Variants in TRPM3 observed in about 807,000 individuals in gnomAD.
TRPM3 encodes transient receptor potential cation channel subfamily M member 3.
TRPM3 carries 77 observed loss-of-function variants against 181.2 expected under a neutral mutation model. The ratio of observed to expected loss-of-function variants is 0.42; its 90% CI spans 0.35 to 0.51. The LOEUF is 0.51. Among genes scored for constraint, TRPM3 ranks in the 20% least tolerant of loss-of-function variants. TRPM3 has a pLI of 0.01. For missense variants in TRPM3, 1,759 were observed against 2,196.7 expected (o/e 0.80, Z 3.98); for synonymous variants, 745 against 796.4 (o/e 0.94, Z 1.09).
At chr9:70,903,960 A>T (rs1485321887) in intron 1 of TRPM3, among the ~76,000 whole-genome samples, 1 of 152,000 alleles carries the variant, frequency 6.6e-6, no homozygotes, top group Non-Finnish European at 1.5e-5. Context: ...AAAAAAAAAA[A>T]TACTGTAATT....
chr9:71,420,088 T>A (rs2093702929), intron 1 of TRPM3, among the ~76,000 whole-genome samples: 1 of 152,028 alleles, frequency 6.6e-6, no homozygotes, highest in South Asian at 2.1e-4. Flanking sequence ...CTTTCGTCAT[T>A]TTCCCATTTT....
At chr9:71,349,869 A>G (rs923563924) in intron 1 of TRPM3, among the ~76,000 whole-genome samples, 4 of 151,798 alleles carry the variant, frequency 2.6e-5, no homozygotes, top group Non-Finnish European at 1.5e-5. Context: ...AAAAGTGATA[A>G]CATGGAAGCC....
intron 22 of TRPM3, among the ~76,000 whole-genome samples, chr9:70,586,789 C>T (rs950234307): frequency 6.6e-6 from 1 of 152,184 alleles, no homozygotes. Flanking sequence ...CATCTTCGTT[C>T]ATGCTGCTCT....
rs538584285 is a variant in TRPM3, at chr9:70,821,268, G to A, written c.973+6579C>T. 3.3e-5 allele frequency among the ~76,000 whole-genome samples: 5 copies of A among 152,272 alleles called. No individual in the cohort carries two copies. The South Asian group carries it at 6.2e-4, about 19-fold the overall frequency. ...GAAATATTTATAAAGGAAATGATAC[G>A]CTGTCTGGATTTCCTTCAAAATTAT... On this transcript the variant is annotated intron_variant, in intron 6 of 25. Coordinates refer to ENST00000677713, the MANE Select transcript of TRPM3 (RefSeq NM_001366145.2).
At position 70,536,440 on chromosome 9, in the gene TRPM3, C is replaced by T. The variant is rs773023339; in HGVS notation, c.4673G>A (p.Ser1558Asn). 1.2e-6 allele frequency: 2 copies of T among 1,614,048 alleles called. No individual in the cohort carries two copies. The highest frequency in any genetic ancestry group is 1.3e-5 in the African/African-American group (1 of 74,902). The change falls in exon 26 of 26, where the codon AGT becomes AAT. Residue 1558 changes from serine (S) to asparagine (N), a missense_variant. This residue lies in a region of TRPM3 where 612 missense variants were observed against 590.0 expected (regional missense o/e 1.04). Transcript: ENST00000677713. ...CCTTGTGTCAATACAGTCTGTAATA[C>T]TTGTGTATTCTGCTGTTTTTACAGG... ...GVPVKTAEYT[S>N]ITDCIDTRCV...
At chr9:70,969,625 A>G (rs921271533) in intron 1 of TRPM3, among the ~76,000 whole-genome samples, 2 of 151,390 alleles carry the variant, frequency 1.3e-5, no homozygotes, top group Non-Finnish European at 1.5e-5. Flanking sequence ...TTCTGCAGAT[A>G]GAATATTGTG....
At chr9:70,957,960 T>C (rs1036657103) in intron 1 of TRPM3, among the ~76,000 whole-genome samples, 1 of 152,200 alleles carries the variant, frequency 6.6e-6, no homozygotes, top group African/African-American at 2.4e-5. Context: ...GGACATACGC[T>C]CTGAGTACAG....
At chr9:70,741,395 C>T (rs1174650385) in intron 8 of TRPM3, among the ~76,000 whole-genome samples, 2 of 152,126 alleles carry the variant, frequency 1.3e-5, no homozygotes, top group Non-Finnish European at 2.9e-5. Context: ...AGTACAACCA[C>T]TATGAAAAAC....
chr9:71,367,025 G>A (rs1295545147), intron 1 of TRPM3, among the ~76,000 whole-genome samples: 1 of 152,120 alleles, frequency 6.6e-6, no homozygotes, highest in Non-Finnish European at 1.5e-5. Context: ...ACAATTACAG[G>A]AGGTTTTTGT....
At chr9:70,825,029 C>A (rs2093463489) in intron 6 of TRPM3, 1 of 152,210 alleles carries the variant, frequency 6.6e-6, no homozygotes, top group Non-Finnish European at 1.5e-5. Flanking sequence ...CTCCATCCGA[C>A]TTTGGGGGCT....
intron 1 of TRPM3, among the ~76,000 whole-genome samples, chr9:71,306,125 T>C (rs1011941287): frequency 3.9e-5 from 6 of 152,150 alleles, no homozygotes; most frequent in African/African-American, 1.4e-4. Context: ...AGCAGAAATG[T>C]AGAGAGCACA....
chr9:70,751,000 T>C (rs1201221136), intron 8 of TRPM3, among the ~76,000 whole-genome samples: 2 of 151,642 alleles, frequency 1.3e-5, no homozygotes, highest in African/African-American at 4.8e-5. Flanking sequence ...AAAGGTCTTA[T>C]AAGGAAATAC....
intron 21 of TRPM3, among the ~76,000 whole-genome samples, chr9:70,592,134 T>A (rs1487491487): frequency 6.6e-6 from 1 of 152,188 alleles, no homozygotes; most frequent in East Asian, 1.9e-4. Context: ...GAGGATGCAA[T>A]AACTATTGAT....
chr9:71,327,982 G>C (rs1385658445), intron 1 of TRPM3, among the ~76,000 whole-genome samples: 1 of 151,894 alleles, frequency 6.6e-6, no homozygotes, highest in African/African-American at 2.4e-5. Flanking sequence ...GGTTCATTTG[G>C]GAGATGAACT....
intron 1 of TRPM3, among the ~76,000 whole-genome samples, chr9:71,086,180 A>C (rs2065226239): frequency 1.3e-5 from 2 of 151,844 alleles, no homozygotes; most frequent in Non-Finnish European, 2.9e-5. Flanking sequence ...GGCAATAATA[A>C]ACAGTGGGGA....
intron 1 of TRPM3, among the ~76,000 whole-genome samples, chr9:71,332,155 C>T (rs903309001): frequency 6.6e-6 from 1 of 151,700 alleles, no homozygotes; most frequent in Non-Finnish European, 1.5e-5. Context: ...AAGAAAACTA[C>T]TAAGTATATT....
intron 1 of TRPM3, among the ~76,000 whole-genome samples, chr9:71,187,971 A>T (rs2077786438): frequency 6.6e-6 from 1 of 151,846 alleles, no homozygotes; most frequent in Non-Finnish European, 1.5e-5. Context: ...TTTTTAAAAA[A>T]GTTAACCAGT....
intron 1 of TRPM3, among the ~76,000 whole-genome samples, chr9:70,991,555 G>GTTTTTTTTTTTTTTTTTTTTTTTTT (rs56157123): frequency 8.0e-6 from 1 of 124,536 alleles, no homozygotes; most frequent in South Asian, 2.6e-4. Flanking sequence ...CTATGTGTCT[G>GTTTTTTTTTTTTTTTTTTTTTTTTT]TTTTTTTTTT....
At chr9:70,983,952 G>A (rs552433731) in intron 1 of TRPM3, among the ~76,000 whole-genome samples, 94 of 152,240 alleles carry the variant, frequency 6.2e-4, no homozygotes, top group Middle Eastern at 3.4e-3. Flanking sequence ...TGCAGATTGT[G>A]GGTCAGAGTT....
Sources: gnomAD v4.1 joint callset for allele counts (sites outside exome capture counted in the v4.1 genomes callset) on GRCh38, gnomAD v4.1.1 for gene constraint, gnomAD v4.1.1 regional missense constraint, MANE v1.5 for transcripts, NCBI Gene and HGNC (gene_info 2026-07-23, HGNC 2026-07-21) for gene names.